MAEA: variants seen among roughly 807,000 people sequenced by gnomAD.
The protein encoded by MAEA is macrophage erythroblast attacher, E3 ubiquitin ligase.
A neutral mutation model predicts 46.2 loss-of-function variants in MAEA; 22 were observed. The observed-to-expected ratio is 0.48, with a 90% CI of 0.34 to 0.68. MAEA has a LOEUF of 0.68. Among genes scored for constraint, MAEA ranks in the 30% least tolerant of loss-of-function variants. The pLI is 0.01. For synonymous variants in MAEA, 246 were observed against 222.6 expected (o/e 1.11, Z -0.94); for missense variants, 393 against 558.1 (o/e 0.70, Z 2.98).
At position 1,339,092 on chromosome 4, in the gene MAEA, C is replaced by A. The variant is rs749219110; in HGVS notation, c.1114C>A (p.Gln372Lys). ...YGYNSLLSIR[Q>K]DDKVVCPRTK... ...TTTTCAGTCTCTGCTTTCTATCCGTCAAGATGATAAAGTCGTGTGCCCGAG... is the reference window on the plus strand; with the variant it reads ...TTTTCAGTCTCTGCTTTCTATCCGTAAAGATGATAAAGTCGTGTGCCCGAG... Residue 372 changes from glutamine to lysine, a missense_variant, in exon 9 of 9, where the codon CAA becomes AAA. Around this residue, in one of 2 missense-constraint regions of MAEA, gnomAD observed 358 missense variants for 537.9 expected, o/e 0.67. Coordinates refer to ENST00000303400, the MANE Select transcript of MAEA (RefSeq NM_001017405.3). The A allele has an allele frequency of 6.2e-7, 1 of 1,613,924 alleles. No homozygotes were observed. Among genetic ancestry groups the A allele is most frequent in the South Asian group, 1.1e-5 (1 of 91,090 alleles).
At chr4:1,335,711 A>T (rs1304334527) in intron 6 of MAEA, 1 of 985,262 alleles carries the variant, frequency 1.0e-6, no homozygotes, top group Non-Finnish European at 1.2e-6. Flanking sequence ...GAGTTAAGTC[A>T]GCACTGGCCC....
chr4:1,305,932 C>G (rs764429852), intron 1 of MAEA, among the ~76,000 whole-genome samples: 1 of 152,240 alleles, frequency 6.6e-6, no homozygotes, highest in South Asian at 2.1e-4. Flanking sequence ...AGCTGTCGGG[C>G]GGGCGGGAGA....
At chr4:1,312,324 C>T in intron 2 of MAEA, 163 bp downstream of exon 2, 2 of 722,472 alleles carry the variant, frequency 2.8e-6, no homozygotes, top group East Asian at 2.7e-5. Flanking sequence ...GTCGGCTGAG[C>T]AGGCCAGCTT....
chr4:1,299,345 G>A (rs918783165), intron 1 of MAEA, among the ~76,000 whole-genome samples: 1 of 152,120 alleles, frequency 6.6e-6, no homozygotes, highest in Non-Finnish European at 1.5e-5. Context: ...TGCCCAGCCC[G>A]TCTGCCCCTC....
chr4:1,323,642 GC>G, intron 4 of MAEA: 1 of 702,220 alleles, frequency 1.4e-6, no homozygotes, highest in Admixed American at 2.0e-5. Context: ...CACAGTGCCA[GC>G]CCCACACTCC....
In MAEA at chr4:1,320,287, G is replaced by C. The variant is rs1339859977; in HGVS notation, c.457-2094G>C. ...AACTCTATGACGGGGCTTCAGAAAA[G>C]AAATCAAAGCAAACGTGCAAGAAAA... On this transcript the variant is annotated intron_variant, in intron 3 of 8. Coordinates refer to ENST00000303400, the MANE Select transcript of MAEA (RefSeq NM_001017405.3). Among the ~76,000 whole-genome samples, 3 of 133,952 alleles carry C rather than the reference G, an allele frequency of 2.2e-5. No homozygotes were observed. In the East Asian group the frequency reaches 7.1e-4, roughly 32 times the overall value. 87.9% of individuals were successfully genotyped at this position (133,952 alleles called of 152,430 possible).
At chr4:1,313,946 A>T (rs560232453) in intron 2 of MAEA, among the ~76,000 whole-genome samples, 1 of 152,274 alleles carries the variant, frequency 6.6e-6, no homozygotes, top group Admixed American at 6.5e-5. Flanking sequence ...AGGCAGGAGA[A>T]TCGCTTGAGC....
chr4:1,323,387 T>A (rs376215458), intron 4 of MAEA: 2 of 665,996 alleles, frequency 3.0e-6, no homozygotes, highest in South Asian at 3.1e-5. Flanking sequence ...CTGCCTCCAT[T>A]AGCAAAACTT....
intron 5 of MAEA, chr4:1,332,040 G>C (rs1241222938): frequency 6.5e-6 from 1 of 152,764 alleles, no homozygotes; most frequent in Non-Finnish European, 1.5e-5. Flanking sequence ...TCGGAAGGTT[G>C]TGCTGGGCGT....
chr4:1,306,618 G>T (rs1735860991), intron 1 of MAEA, among the ~76,000 whole-genome samples: 1 of 152,224 alleles, frequency 6.6e-6, no homozygotes, highest in Non-Finnish European at 1.5e-5. Context: ...CAGCTGTGCT[G>T]TGAAGGCCTT....
chr4:1,327,457 T>G (rs980719278), intron 4 of MAEA, among the ~76,000 whole-genome samples, 170 bp from the exon 5 acceptor site: 2 of 152,234 alleles, frequency 1.3e-5, no homozygotes, highest in Admixed American at 1.3e-4. Flanking sequence ...GAAAGTCTGC[T>G]GCAGGTTAAA....
At position 1,335,083 on chromosome 4, in the gene MAEA, T is replaced by C. The variant is rs1017425556; in HGVS notation, c.766-1778T>C. The C allele has an allele frequency of 4.1e-6, 4 of 985,104 alleles. No homozygotes were observed. The African/African-American group carries it at 7.0e-5, about 17-fold the overall frequency. The allele number at this position is 985,104 out of a possible 1,614,324, so 61.0% of individuals were successfully genotyped here. On this transcript the variant is annotated intron_variant, in intron 6 of 8. Transcript: ENST00000303400. ...CGGCCTTTCTGGGTTGATGTGAAGG[T>C]TTTTCTCTCCTGTGCTCACACACGC... is the stretch of plus-strand genomic sequence containing the variant.
At chr4:1,294,894 T>A (rs966420533) in intron 1 of MAEA, among the ~76,000 whole-genome samples, 8 of 151,904 alleles carry the variant, frequency 5.3e-5, no homozygotes, top group Non-Finnish European at 1.5e-5. Context: ...CGGAGCTAAG[T>A]TTTGGGGTGA....
chr4:1,322,943 C>CCTTTTTTTTTTTTTTTTT lies in MAEA; in HGVS notation c.579+440_579+441insCTTTTTTTTTTTTTTTTT, dbSNP rs1560368750. ...CTGTGATATTGTTAATGAATACCCACTTTTTTTTTTTTTTTTTTTTTTTTT... is the reference window on the plus strand; with the variant it reads ...CTGTGATATTGTTAATGAATACCCACCTTTTTTTTTTTTTTTTTTTTTTTTTTTTTTTTTTTTTTTTTT... On this transcript the variant is annotated intron_variant, in intron 4 of 8. Coordinates refer to ENST00000303400, the MANE Select transcript of MAEA (RefSeq NM_001017405.3). 1.2e-4 allele frequency among the ~76,000 whole-genome samples: 9 copies of CCTTTTTTTTTTTTTTTTT among 75,246 alleles called. 4 individuals carry two copies. The allele number at this position is 75,246 out of a possible 152,430, so 49.4% of individuals were successfully genotyped here.
intron 3 of MAEA, 34 bp from the exon 4 acceptor site, chr4:1,322,347 A>C (rs752812998): frequency 6.2e-7 from 1 of 1,611,484 alleles, no homozygotes. Flanking sequence ...TTGAGCCAGC[A>C]CATTCTGATC....
At chr4:1,318,683 G>A (rs1392924358) in intron 3 of MAEA, among the ~76,000 whole-genome samples, 1 of 152,190 alleles carries the variant, frequency 6.6e-6, no homozygotes, top group South Asian at 2.1e-4. Context: ...AGGTGCTGCT[G>A]TGGCCGAGGG....
chr4:1,323,653 C>T (rs775683464), intron 4 of MAEA: 2 of 700,504 alleles, frequency 2.9e-6, no homozygotes, highest in Non-Finnish European at 5.2e-6. Flanking sequence ...CCCCACACTC[C>T]CTCCCAGAGA....
rs1246813964 is a variant in MAEA at position 1,327,675 on chromosome 4, C to T, written c.628C>T (p.Arg210Trp). The T allele has an allele frequency of 3.1e-6, 5 of 1,613,878 alleles. No homozygotes were observed. Among genetic ancestry groups the T allele is most frequent in the Admixed American group, 1.7e-5 (1 of 60,026 alleles). Residue 210 changes from arginine to tryptophan, a missense_variant, in exon 5 of 9, where the codon CGG (arginine) becomes TGG (tryptophan). Arg to Trp is a moderately radical substitution (Grantham distance 101). This residue lies in a region of MAEA where 358 missense variants were observed against 537.9 expected (regional missense o/e 0.67). Transcript: ENST00000303400. ...AATCCAGGAGTTCATTGAACTCATCCGGCAGAATAAGAGACTGGACGCTGT... is the reference window on the plus strand; with the variant it reads ...AATCCAGGAGTTCATTGAACTCATCTGGCAGAATAAGAGACTGGACGCTGT... Reference protein sequence around the residue: ...LRIQEFIELIRQNKRLDAVRH... With the variant: ...LRIQEFIELIWQNKRLDAVRH...
chr4:1,313,499 C>G (rs1463383321), intron 2 of MAEA, among the ~76,000 whole-genome samples: 1 of 152,080 alleles, frequency 6.6e-6, no homozygotes, highest in Non-Finnish European at 1.5e-5. Context: ...GCTGAGGCAG[C>G]AGAATCACTT....
Sources: allele counts gnomAD v4.1 joint callset (sites outside exome capture counted in the v4.1 genomes callset), GRCh38; gene constraint gnomAD v4.1.1; regional missense constraint gnomAD v4.1.1; transcripts MANE v1.5; gene names NCBI Gene and HGNC (gene_info 2026-07-23, HGNC 2026-07-21).